Variants in SHC3 observed in about 807,000 individuals in gnomAD.
SHC3 encodes the protein SHC adaptor protein 3.
SHC3 carries 15 observed loss-of-function variants against 60.4 expected under a neutral mutation model. The ratio of observed to expected loss-of-function variants is 0.25; its 90% CI spans 0.17 to 0.38. The LOEUF (loss-of-function observed/expected upper bound fraction) is 0.38. Ranked by LOEUF, SHC3 falls within the 10% of genes least tolerant of loss-of-function variation. The pLI, the probability that SHC3 is intolerant of heterozygous loss-of-function variation, is 1.00. For synonymous variants in SHC3, 294 were observed against 325.9 expected (o/e 0.90, Z 1.05); for missense variants, 677 against 786.1 (o/e 0.86, Z 1.66).
At chr9:89,052,008 A>G in intron 7 of SHC3, 29 bp downstream of exon 7, 1 of 1,609,964 alleles carries the variant, frequency 6.2e-7, no homozygotes, top group Non-Finnish European at 8.5e-7. Flanking sequence ...CACATAGGCT[A>G]TTGCAAATGG....
chr9:89,136,606 A>G (rs56293666), intron 1 of SHC3, among the ~76,000 whole-genome samples: 1,534 of 152,280 alleles, frequency 0.01, 28 homozygotes, highest in African/African-American at 0.034. Flanking sequence ...TGAATAATCT[A>G]TGCCTTGTTT....
chr9:89,158,967 G>A (rs915240557), intron 1 of SHC3, among the ~76,000 whole-genome samples: 1 of 152,180 alleles, frequency 6.6e-6, no homozygotes, highest in African/African-American at 2.4e-5. Context: ...GACAGAGGCT[G>A]ATAGTTGGAA....
rs1227784619 is a variant in SHC3, at chr9:89,008,344, TAGAG to T, written c.*5099_*5102del. On this transcript the variant is annotated 3_prime_UTR_variant, in exon 12 of 12. Transcript: ENST00000375835. ...GTGGTGTGAAAGCATAATTATAAATTAGAGGGGGGAAAGCCATCAATAAGAGACA... is the reference window on the plus strand; with the variant it reads ...GTGGTGTGAAAGCATAATTATAAATTGGGGGAAAGCCATCAATAAGAGACA... 7.2e-5 allele frequency: 11 copies of T among 152,226 alleles called. No homozygotes were observed. The East Asian group carries it at 2.1e-3, about 29-fold the overall frequency. 9.4% of individuals were successfully genotyped at this position (152,226 alleles called of 1,614,324 possible).
chr9:89,036,774 C>T (rs980104054), intron 11 of SHC3, among the ~76,000 whole-genome samples: 1 of 152,048 alleles, frequency 6.6e-6, no homozygotes, highest in Non-Finnish European at 1.5e-5. Context: ...CTTTCTCCAT[C>T]ACCCAGGCTG....
chr9:89,045,620 A>C, intron 9 of SHC3, 126 bp downstream of exon 9: 1 of 810,458 alleles, frequency 1.2e-6, no homozygotes, highest in Non-Finnish European at 2.0e-6. Flanking sequence ...TTCTATAGCA[A>C]CACACACAGC....
intron 2 of SHC3, among the ~76,000 whole-genome samples, chr9:89,099,960 T>C (rs915111437): frequency 1.3e-5 from 2 of 152,240 alleles, no homozygotes; most frequent in Non-Finnish European, 2.9e-5. Flanking sequence ...CTGAATTTCA[T>C]GCCTGATTTT....
chr9:89,034,323 T>C (rs1042897862), intron 11 of SHC3, among the ~76,000 whole-genome samples: 9 of 152,338 alleles, frequency 5.9e-5, no homozygotes, highest in South Asian at 2.1e-4. Context: ...TATGTATTTG[T>C]TGAATGAATG....
At chr9:89,024,971 T>G (rs895258082) in intron 11 of SHC3, among the ~76,000 whole-genome samples, 2 of 152,178 alleles carry the variant, frequency 1.3e-5, no homozygotes, top group African/African-American at 4.8e-5. Context: ...GGACAACACC[T>G]TCCACTGCAG....
At chr9:89,014,316 C>T (rs1826060247) in intron 11 of SHC3, among the ~76,000 whole-genome samples, 1 of 152,196 alleles carries the variant, frequency 6.6e-6, no homozygotes, top group Non-Finnish European at 1.5e-5. Flanking sequence ...TCAGCCGCCT[C>T]CACTCTGAGC....
chr9:89,056,698 G>C, intron 6 of SHC3, among the ~76,000 whole-genome samples: 1 of 152,224 alleles, frequency 6.6e-6, no homozygotes, highest in East Asian at 1.9e-4. Context: ...AGCCCTGCCT[G>C]CTGTGCAGCC....
At position 89,006,090 on chromosome 9, in the gene SHC3, A is replaced by G. The variant is rs911455811; in HGVS notation, c.*7357T>C. 2 of 152,252 alleles carry G rather than the reference A, an allele frequency of 1.3e-5. No individual in the cohort carries two copies. The highest frequency in any genetic ancestry group is 1.3e-4 in the Admixed American group (2 of 15,290). The allele number at this position is 152,252 out of a possible 1,614,324, so 9.4% of individuals were successfully genotyped here. ...TCTGATAATAAAGGCACATTTTCCA[A>G]TAACCAATTATAACAAGAAGTGCAG... is the stretch of plus-strand genomic sequence containing the variant. On this transcript the variant is annotated 3_prime_UTR_variant, in exon 12 of 12. Coordinates refer to ENST00000375835, the MANE Select transcript of SHC3 (RefSeq NM_016848.6).
intron 1 of SHC3, among the ~76,000 whole-genome samples, chr9:89,133,891 C>G (rs1826284382): frequency 6.6e-6 from 1 of 151,976 alleles, no homozygotes; most frequent in Admixed American, 6.6e-5. Flanking sequence ...GCACATGTAC[C>G]CTAGAACTTA....
intron 11 of SHC3, among the ~76,000 whole-genome samples, chr9:89,030,037 T>G (rs949100642): frequency 6.6e-6 from 1 of 152,106 alleles, no homozygotes; most frequent in Non-Finnish European, 1.5e-5. Context: ...AGAATGTGTC[T>G]CATATATAGC....
chr9:89,067,179 G>C (rs888301380), intron 5 of SHC3, among the ~76,000 whole-genome samples: 1 of 152,228 alleles, frequency 6.6e-6, no homozygotes, highest in Non-Finnish European at 1.5e-5. Flanking sequence ...GGAGGATCCA[G>C]TCAGAATCTG....
intron 11 of SHC3, among the ~76,000 whole-genome samples, chr9:89,030,082 C>G (rs1234073817): frequency 6.6e-6 from 1 of 151,742 alleles, no homozygotes; most frequent in African/African-American, 2.4e-5. Flanking sequence ...ATACTAATAC[C>G]AGATAAAATA....
At chr9:89,097,165 C>T (rs991733930) in intron 2 of SHC3, among the ~76,000 whole-genome samples, 13 of 149,024 alleles carry the variant, frequency 8.7e-5, no homozygotes, top group South Asian at 2.1e-4. Context: ...TCAGAGGAGG[C>T]GGGATCAGAT....
chr9:89,033,095 A>T (rs1268930396), intron 11 of SHC3, among the ~76,000 whole-genome samples: 1 of 151,440 alleles, frequency 6.6e-6, no homozygotes, highest in Non-Finnish European at 1.5e-5. Context: ...CCTCCTCCAA[A>T]ATTAAAATTG....
At chr9:89,043,780 G>A (rs1451908350) in intron 9 of SHC3, among the ~76,000 whole-genome samples, 3 of 151,966 alleles carry the variant, frequency 2.0e-5, no homozygotes, top group African/African-American at 7.2e-5. Context: ...AGCCTCCCGA[G>A]TAGCTAGGAT....
At chr9:89,142,382 G>A (rs368559442) in intron 1 of SHC3, among the ~76,000 whole-genome samples, 1 of 152,010 alleles carries the variant, frequency 6.6e-6, no homozygotes, top group African/African-American at 2.4e-5. Flanking sequence ...CCAACATGGT[G>A]AAACCCCATC....
Sources: gnomAD v4.1 joint callset for allele counts (sites outside exome capture counted in the v4.1 genomes callset) on GRCh38, gnomAD v4.1.1 for gene constraint, MANE v1.5 for transcripts, NCBI Gene and HGNC (gene_info 2026-07-23, HGNC 2026-07-21) for gene names.